The following FOXP1 variants were observed in gnomAD, a reference collection of about 807,000 sequenced individuals.
The protein encoded by FOXP1 is forkhead box P1, also known as forkhead box protein P1.
FOXP1 carries 15 observed loss-of-function variants against 98.2 expected under a neutral mutation model. The ratio of observed to expected loss-of-function variants is 0.15; its 90% confidence interval spans 0.10 to 0.24. The LOEUF (loss-of-function observed/expected upper bound fraction) is 0.24, where lower values mean the gene tolerates loss of function less well. Ranked by LOEUF, FOXP1 falls within the 10% of genes least tolerant of loss-of-function variation. The pLI is 1.00. For synonymous variants in FOXP1, 371 were observed against 314.5 expected (o/e 1.18, Z -1.90); for missense variants, 633 against 848.5 (o/e 0.75, Z 3.15).
At chr3:71,473,437 G>A (rs2089533487) in intron 3 of FOXP1, among the ~76,000 whole-genome samples, 2 of 152,092 alleles carry the variant, frequency 1.3e-5, no homozygotes, top group African/African-American at 2.4e-5. Context: ...TTATTCAGAA[G>A]TGGCTCCCCT....
At chr3:70,986,467 G>T (rs1559646678) in intron 14 of FOXP1, among the ~76,000 whole-genome samples, 1 of 152,224 alleles carries the variant, frequency 6.6e-6, no homozygotes, top group Non-Finnish European at 1.5e-5. Context: ...TAGGTGCAAA[G>T]ATTTGAACCC....
At chr3:71,578,593 G>C (rs2047906869) in intron 2 of FOXP1, among the ~76,000 whole-genome samples, 1 of 152,178 alleles carries the variant, frequency 6.6e-6, no homozygotes, top group African/African-American at 2.4e-5. Context: ...TGCACAATAA[G>C]ATTGGCTGCA....
rs577268673 is a variant in FOXP1 at position 71,393,343 on chromosome 3, A to G, written c.-167-34099T>C. 3.9e-5 allele frequency among the ~76,000 whole-genome samples: 6 copies of G among 152,014 alleles called. No individual in the cohort carries two copies. The South Asian group carries it at 6.2e-4, about 16-fold the overall frequency. ...TTTTTTTTTGTCTCCTGGTCTTTACATGATGTAATGTCTAAGACCACATTT... is the reference window on the plus strand; with the variant it reads ...TTTTTTTTTGTCTCCTGGTCTTTACGTGATGTAATGTCTAAGACCACATTT... On this transcript the variant is annotated intron_variant, in intron 3 of 20. Coordinates refer to ENST00000649528, the MANE Select transcript of FOXP1 (RefSeq NM_001349338.3).
At chr3:71,328,807 T>G (rs556116881) in intron 4 of FOXP1, among the ~76,000 whole-genome samples, 32 of 151,806 alleles carry the variant, frequency 2.1e-4, no homozygotes, top group Non-Finnish European at 4.0e-4. Flanking sequence ...ACCCCGTTTC[T>G]ACTAAAAATA....
At chr3:70,996,594 G>C (rs893289250) in intron 13 of FOXP1, among the ~76,000 whole-genome samples, 1 of 152,174 alleles carries the variant, frequency 6.6e-6, no homozygotes, top group Non-Finnish European at 1.5e-5. Flanking sequence ...CATTTTGGGT[G>C]AAAGTTTTCT....
chr3:71,271,098 C>A (rs1204862490), intron 5 of FOXP1, among the ~76,000 whole-genome samples: 3 of 152,130 alleles, frequency 2.0e-5, no homozygotes, highest in African/African-American at 7.2e-5. Context: ...GGTGTACTGG[C>A]GCACACCTGT....
intron 2 of FOXP1, among the ~76,000 whole-genome samples, chr3:71,538,897 T>C (rs1237977209): frequency 1.3e-5 from 2 of 152,268 alleles, no homozygotes; most frequent in East Asian, 3.9e-4. Flanking sequence ...GTGAATATAC[T>C]GTTTTTCTCA....
At chr3:71,394,930 G>A (rs1455525665) in intron 3 of FOXP1, among the ~76,000 whole-genome samples, 3 of 151,780 alleles carry the variant, frequency 2.0e-5, no homozygotes, top group Non-Finnish European at 4.4e-5. Context: ...GAGAAACCTC[G>A]TCTCTACTAA....
chr3:71,482,482 C>G (rs2090351304), intron 3 of FOXP1, among the ~76,000 whole-genome samples: 1 of 150,922 alleles, frequency 6.6e-6, no homozygotes, highest in African/African-American at 2.4e-5. Context: ...AATTCTCCGG[C>G]CTCAGCAGTA....
At chr3:71,454,327 C>T (rs979905498) in intron 3 of FOXP1, among the ~76,000 whole-genome samples, 6 of 152,122 alleles carry the variant, frequency 3.9e-5, no homozygotes, top group Admixed American at 1.3e-4. Flanking sequence ...GGCACATCAT[C>T]TGTATTTTCA....
rs143238743 is a variant in FOXP1, at chr3:71,443,958, C to T, written c.-168+49468G>A. Among the ~76,000 whole-genome samples the T allele has an allele frequency of 5.4e-4, 82 of 152,284 alleles. No homozygotes were observed. The East Asian group carries it at 0.012, about 22-fold the overall frequency. ...GGCAAAAAGCACCCCACATTTTGGA[C>T]CAGCAGCTTGGCACTCAGCCTCCTT... is the stretch of plus-strand genomic sequence containing the variant. On this transcript the variant is annotated intron_variant, in intron 3 of 20. Coordinates refer to ENST00000649528, the MANE Select transcript of FOXP1 (RefSeq NM_001349338.3).
At chr3:71,582,874 G>C (rs1012529444) in intron 1 of FOXP1, 2 of 926,902 alleles carry the variant, frequency 2.2e-6, no homozygotes, top group African/African-American at 3.6e-5. Context: ...GCGCGTGGCA[G>C]CGGGGAAGTT....
chr3:71,496,530 T>C lies in FOXP1; in HGVS notation c.-297-2975A>G, dbSNP rs542836457. Among the ~76,000 whole-genome samples the C allele has an allele frequency of 2.6e-5, 4 of 152,130 alleles. No homozygotes were observed. The South Asian group carries it at 8.3e-4, about 32-fold the overall frequency. ...GCTAAGACATAAATCGGTTAAACAATACTCTATGTGGCCGGCCACAGTGGC... is the reference window on the plus strand; with the variant it reads ...GCTAAGACATAAATCGGTTAAACAACACTCTATGTGGCCGGCCACAGTGGC... On this transcript the variant is annotated intron_variant, in intron 2 of 20. Transcript: ENST00000649528.
At chr3:71,150,199 G>A (rs1454380040) in intron 6 of FOXP1, among the ~76,000 whole-genome samples, 3 of 152,196 alleles carry the variant, frequency 2.0e-5, no homozygotes, top group African/African-American at 7.2e-5. Context: ...AGATAAGGGC[G>A]AAATCAACGA....
chr3:70,998,451 C>T (rs1357774536), intron 13 of FOXP1, among the ~76,000 whole-genome samples: 1 of 152,154 alleles, frequency 6.6e-6, no homozygotes, highest in East Asian at 1.9e-4. Flanking sequence ...GGGTTGCTAA[C>T]CCCTGCTCTC....
At chr3:71,578,160 G>A (rs2047875381) in intron 2 of FOXP1, among the ~76,000 whole-genome samples, 1 of 152,200 alleles carries the variant, frequency 6.6e-6, no homozygotes, top group Admixed American at 6.5e-5. Flanking sequence ...AGAAGAAACA[G>A]CTCATGCTGA....
intron 2 of FOXP1, among the ~76,000 whole-genome samples, chr3:71,561,625 A>C (rs983312570): frequency 6.6e-6 from 1 of 152,206 alleles, no homozygotes; most frequent in African/African-American, 2.4e-5. Context: ...AATGAATTAC[A>C]CATATAAAAC....
intron 11 of FOXP1, among the ~76,000 whole-genome samples, chr3:71,027,729 G>C (rs1482418148): frequency 6.6e-6 from 1 of 152,056 alleles, no homozygotes; most frequent in Non-Finnish European, 1.5e-5. Flanking sequence ...ATTAGAACTT[G>C]AAAATGTATA....
chr3:71,146,006 G>C (rs939964504), intron 6 of FOXP1, among the ~76,000 whole-genome samples: 1 of 152,154 alleles, frequency 6.6e-6, no homozygotes, highest in Admixed American at 6.5e-5. Flanking sequence ...ATGGAGAAAA[G>C]ACAGAAAGGA....
Sources: allele counts gnomAD v4.1 joint callset (sites outside exome capture counted in the v4.1 genomes callset), GRCh38; gene constraint gnomAD v4.1.1; transcripts MANE v1.5; gene names NCBI Gene and HGNC (gene_info 2026-07-23, HGNC 2026-07-21).